Variants in PDE1A observed in about 807,000 individuals in gnomAD.
The protein encoded by PDE1A is phosphodiesterase 1A.
A neutral mutation model predicts 61.7 loss-of-function variants in PDE1A; 35 were observed. That is an observed-to-expected ratio of 0.57 (90% CI 0.43 to 0.75). The LOEUF is 0.75. Among genes scored for constraint, PDE1A ranks in the 30% least tolerant of loss-of-function variants. The probability of loss-of-function intolerance (pLI) is 0.00; values close to 1 mark genes in which losing one functional copy is unlikely to be tolerated. For missense variants in PDE1A, 597 were observed against 630.6 expected (o/e 0.95, Z 0.57); for synonymous variants, 232 against 213.2 (o/e 1.09, Z -0.77).
At chr2:182,555,662 AT>A in the PDE1A span, among the ~76,000 whole-genome samples, 3 of 152,098 alleles carry the variant, frequency 2.0e-5, no homozygotes, top group East Asian at 5.8e-4. Context: ...TTAAGATAAT[AT>A]TCTTTAAGAA....
intron 11 of PDE1A, among the ~76,000 whole-genome samples, chr2:182,186,997 A>G (rs2125401502): frequency 6.6e-6 from 1 of 152,362 alleles, no homozygotes. Flanking sequence ...TTTACTAACA[A>G]GAAATCATAT....
At chr2:182,417,934 G>A (rs371011482) in intron 1 of PDE1A, among the ~76,000 whole-genome samples, 13 of 152,056 alleles carry the variant, frequency 8.5e-5, no homozygotes, top group East Asian at 1.9e-4. Context: ...CAAAATAAAC[G>A]TTATATAATT....
intron 1 of PDE1A, among the ~76,000 whole-genome samples, chr2:182,319,126 C>A (rs370333873): frequency 1.7e-4 from 26 of 152,086 alleles, no homozygotes; most frequent in African/African-American, 4.6e-4. Context: ...AGAAATTGTG[C>A]AATATGCCCC....
At chr2:182,222,157 T>C (rs6759450) in intron 7 of PDE1A, among the ~76,000 whole-genome samples, 1,960 of 152,100 alleles carry the variant, frequency 0.013, 29 homozygotes, top group African/African-American at 0.044. Context: ...TTTGCTTTAA[T>C]AGGTGAATAG....
At chr2:182,424,071 A>G (rs548818006) in intron 1 of PDE1A, among the ~76,000 whole-genome samples, 52 of 151,754 alleles carry the variant, frequency 3.4e-4, no homozygotes, top group Non-Finnish European at 6.8e-4. Context: ...CAGCCTCCCA[A>G]GTAGCTGGGA....
intron 1 of PDE1A, among the ~76,000 whole-genome samples, chr2:182,366,474 C>G (rs1255333397): frequency 2.0e-5 from 3 of 152,042 alleles, no homozygotes; most frequent in Non-Finnish European, 4.4e-5. Flanking sequence ...ACACCCTAAA[C>G]TAACCACCTC....
chr2:182,390,714 T>TA (rs1015624210), intron 1 of PDE1A, among the ~76,000 whole-genome samples: 1 of 152,226 alleles, frequency 6.6e-6, no homozygotes, highest in African/African-American at 2.4e-5. Flanking sequence ...TGTCTACTGT[T>TA]AAAGTGAGGG....
intron 6 of PDE1A, among the ~76,000 whole-genome samples, chr2:182,226,970 A>C (rs1456143085): frequency 2.0e-5 from 3 of 151,978 alleles, no homozygotes; most frequent in African/African-American, 4.8e-5. Context: ...CCACTTTATA[A>C]GATGGTTATA....
chr2:182,201,746 T>G (rs753711656), exon 9 of PDE1A: 1 of 1,612,362 alleles, frequency 6.2e-7, no homozygotes, highest in South Asian at 1.1e-5. Context: ...TGACCTGACA[T>G]GTCTGTAGAT....
chr2:182,278,710 A>G (rs1693608090), intron 1 of PDE1A, among the ~76,000 whole-genome samples: 1 of 152,004 alleles, frequency 6.6e-6, no homozygotes, highest in Admixed American at 6.6e-5. Flanking sequence ...TCAGAAGTGA[A>G]TACCTGTTTG....
chr2:182,378,135 C>T (rs113284695), intron 1 of PDE1A, among the ~76,000 whole-genome samples: 8,829 of 152,194 alleles, frequency 0.058, 888 homozygotes, highest in African/African-American at 0.2. Flanking sequence ...CGTGAGCCAC[C>T]GTGCCCGGCC....
intron 1 of PDE1A, among the ~76,000 whole-genome samples, chr2:182,320,803 G>T (rs914471116): frequency 6.6e-6 from 1 of 152,102 alleles, no homozygotes; most frequent in Non-Finnish European, 1.5e-5. Context: ...GTTTATAATA[G>T]CAAATTCACT....
chr2:182,180,987 T>C (rs746545155), intron 13 of PDE1A, among the ~76,000 whole-genome samples: 8 of 152,058 alleles, frequency 5.3e-5, no homozygotes, highest in Non-Finnish European at 1.0e-4. Flanking sequence ...GCAGCTCCTG[T>C]AACCTTTTAT....
At chr2:182,191,265 T>C (rs988524667) in intron 10 of PDE1A, among the ~76,000 whole-genome samples, 6 of 152,094 alleles carry the variant, frequency 3.9e-5, no homozygotes, top group South Asian at 4.2e-4. Flanking sequence ...AGGAGGAGTC[T>C]GTTGATGCCA....
At chr2:182,181,197 G>T (rs1684730837) in intron 13 of PDE1A, among the ~76,000 whole-genome samples, 1 of 152,094 alleles carries the variant, frequency 6.6e-6, no homozygotes, top group Admixed American at 6.6e-5. Context: ...CAGCGTTTTT[G>T]CACTGTTTCT....
At chr2:182,240,317 CT>C in intron 2 of PDE1A, 25 bp from the exon 3 acceptor site, 1 of 1,434,830 alleles carries the variant, frequency 7.0e-7, no homozygotes, top group Non-Finnish European at 9.3e-7. Flanking sequence ...ACAGATTAAA[CT>C]TTTTTATAAA....
chr2:182,591,480 C>T, the PDE1A span, among the ~76,000 whole-genome samples: 2 of 152,194 alleles, frequency 1.3e-5, no homozygotes, highest in Admixed American at 6.5e-5. Context: ...AATGGCTACA[C>T]ATGGGACCAA....
chr2:182,335,285 C>T (rs148408973), intron 1 of PDE1A, among the ~76,000 whole-genome samples: 1 of 152,042 alleles, frequency 6.6e-6, no homozygotes, highest in Non-Finnish European at 1.5e-5. Context: ...TCATATTGAA[C>T]CAAAAAGGAG....
chr2:182,716,162 C>G, the PDE1A span: 1 of 152,536 alleles, frequency 6.6e-6, no homozygotes, highest in Non-Finnish European at 1.5e-5. Context: ...ACCGCCCTCT[C>G]CACCCCACCG....
Sources: allele counts gnomAD v4.1 joint callset (sites outside exome capture counted in the v4.1 genomes callset), GRCh38; gene constraint gnomAD v4.1.1; transcripts MANE v1.5; gene names NCBI Gene and HGNC (gene_info 2026-07-23, HGNC 2026-07-21).